ABLIM1: variants seen among roughly 807,000 people sequenced by gnomAD.
ABLIM1 encodes the protein actin binding LIM protein 1.
ABLIM1 carries 40 observed loss-of-function variants against 107.0 expected under a neutral mutation model. The observed-to-expected ratio is 0.37, with a 90% CI of 0.29 to 0.49. The LOEUF is 0.49. Among genes scored for constraint, ABLIM1 ranks in the 20% least tolerant of loss-of-function variants. The probability of loss-of-function intolerance (pLI) is 0.97; values close to 1 mark genes in which losing one functional copy is unlikely to be tolerated. For synonymous variants in ABLIM1, 357 were observed against 357.3 expected (o/e 1.00, Z 0.01); for missense variants, 857 against 1,008.5 (o/e 0.85, Z 2.04).
intron 17 of ABLIM1, among the ~76,000 whole-genome samples, chr10:114,442,964 G>A (rs1026291171): frequency 1.3e-5 from 2 of 151,954 alleles, no homozygotes; most frequent in East Asian, 1.9e-4. Flanking sequence ...TCAGCCTCCC[G>A]AGTAGCCGGG....
chr10:114,503,465 T>A (rs2060705468), intron 6 of ABLIM1, among the ~76,000 whole-genome samples: 1 of 150,262 alleles, frequency 6.7e-6, no homozygotes, highest in African/African-American at 2.5e-5. Context: ...AGAAAAAAAA[T>A]TGGTTTTGGC....
chr10:114,636,998 A>G (rs2078511576), intron 1 of ABLIM1, among the ~76,000 whole-genome samples: 1 of 146,010 alleles, frequency 6.8e-6, no homozygotes, highest in Non-Finnish European at 1.5e-5. Flanking sequence ...TCACCACTGC[A>G]CTCCAGCCGG....
intron 1 of ABLIM1, among the ~76,000 whole-genome samples, chr10:114,703,426 C>T (rs2081345753): frequency 6.6e-6 from 1 of 152,180 alleles, no homozygotes. Context: ...CCAGCAGGTC[C>T]CTGTTTTTAG....
At chr10:114,702,549 T>G (rs1221636515) in intron 1 of ABLIM1, among the ~76,000 whole-genome samples, 1 of 144,458 alleles carries the variant, frequency 6.9e-6, no homozygotes, top group South Asian at 2.2e-4. Flanking sequence ...TTTTTTGAGA[T>G]GGAGTCTCGC....
chr10:114,729,708 T>C (rs950523352), intron 1 of ABLIM1, among the ~76,000 whole-genome samples: 1 of 152,146 alleles, frequency 6.6e-6, no homozygotes, highest in Non-Finnish European at 1.5e-5. Context: ...ATTCTGATGG[T>C]ACTGAAGTTT....
At chr10:114,770,988 A>C (rs557338510), upstream of ABLIM1, among the ~76,000 whole-genome samples, 2 of 151,882 alleles carry the variant, frequency 1.3e-5, no homozygotes, top group Non-Finnish European at 2.9e-5. Flanking sequence ...GTGCCACCAC[A>C]CCTGGCTAAT....
intron 8 of ABLIM1, among the ~76,000 whole-genome samples, chr10:114,474,999 A>G (rs974706494): frequency 6.6e-6 from 1 of 152,182 alleles, no homozygotes; most frequent in Non-Finnish European, 1.5e-5. Flanking sequence ...CTCCCCAGCC[A>G]TGTGGAACTG....
chr10:114,713,222 G>A (rs917487350), intron 1 of ABLIM1, among the ~76,000 whole-genome samples: 1 of 152,130 alleles, frequency 6.6e-6, no homozygotes, highest in African/African-American at 2.4e-5. Flanking sequence ...CTACTGTATT[G>A]TCCTCTTCCT....
chr10:114,711,413 C>A (rs1339591379), intron 1 of ABLIM1, among the ~76,000 whole-genome samples: 8 of 152,122 alleles, frequency 5.3e-5, no homozygotes, highest in Admixed American at 5.2e-4. Flanking sequence ...AGTGTTAAGA[C>A]CATTGAGAAG....
At chr10:114,530,230 T>C (rs2065304370) in intron 6 of ABLIM1, among the ~76,000 whole-genome samples, 1 of 152,166 alleles carries the variant, frequency 6.6e-6, no homozygotes, top group Admixed American at 6.5e-5. Context: ...ACAGGTGTTG[T>C]TGGCTAAAAT....
chr10:114,596,600 T>C (rs2075438288), intron 2 of ABLIM1, among the ~76,000 whole-genome samples: 1 of 152,190 alleles, frequency 6.6e-6, no homozygotes, highest in Admixed American at 6.5e-5. Flanking sequence ...GAAAGTGAGA[T>C]GAGTTCACCA....
upstream of ABLIM1, among the ~76,000 whole-genome samples, chr10:114,771,015 G>C (rs897451501): frequency 2.0e-5 from 3 of 152,154 alleles, no homozygotes; most frequent in African/African-American, 7.2e-5. Flanking sequence ...ATTTTTAGTA[G>C]AGACGGGGTT....
chr10:114,658,233 G>A lies in ABLIM1; in HGVS notation c.-33C>T, dbSNP rs1420609828. On this transcript the variant is annotated 5_prime_UTR_variant, in exon 1 of 23. Transcript: ENST00000533213. ...TGGATTTCCAAGCAATGAGAAATGG[G>A]GAGTGGGGACCCAAGGAGCGGTGCT... is the stretch of plus-strand genomic sequence containing the variant. The A allele has an allele frequency of 1.3e-6, 2 of 1,584,030 alleles. No individual in the cohort carries two copies. The highest frequency in any genetic ancestry group is 1.7e-6 in the Non-Finnish European group (2 of 1,161,134).
At chr10:114,781,511 GA>G in the ABLIM1 span, among the ~76,000 whole-genome samples, 804 of 144,706 alleles carry the variant, frequency 5.6e-3, 7 homozygotes, top group Middle Eastern at 0.031. Context: ...CTCAAAAAAA[GA>G]AAAAAAAAGA....
chr10:114,481,754 C>T (rs7069661), intron 8 of ABLIM1, among the ~76,000 whole-genome samples: 7,374 of 152,230 alleles, frequency 0.048, 312 homozygotes, highest in East Asian at 0.16. Context: ...ATTCAGCTGT[C>T]TGATGAACTG....
intron 12 of ABLIM1, among the ~76,000 whole-genome samples, chr10:114,463,325 A>G (rs923165821): frequency 1.3e-5 from 2 of 152,172 alleles, no homozygotes; most frequent in Admixed American, 6.5e-5. Context: ...TTAAGAGTGC[A>G]CCTGCTAAGG....
At chr10:114,541,105 A>AT (rs1451750817) in intron 6 of ABLIM1, among the ~76,000 whole-genome samples, 1 of 152,156 alleles carries the variant, frequency 6.6e-6, no homozygotes, top group Non-Finnish European at 1.5e-5. Flanking sequence ...AAAGCCAGAG[A>AT]TTGGGAGGCT....
At chr10:114,751,430 T>C (rs7070890) in intron 1 of ABLIM1, among the ~76,000 whole-genome samples, 3,292 of 152,024 alleles carry the variant, frequency 0.022, 37 homozygotes, top group Middle Eastern at 0.092. Flanking sequence ...CAAGAGAAAA[T>C]TGGCCCTCTG....
At position 114,619,531 on chromosome 10, in the gene ABLIM1, C is replaced by A. The variant is rs1325382027; in HGVS notation, c.245-17570G>T. Among the ~76,000 whole-genome samples the A allele has an allele frequency of 1.3e-5, 2 of 152,146 alleles. No homozygotes were observed. Among genetic ancestry groups the A allele is most frequent in the African/African-American group, 4.8e-5 (2 of 41,434 alleles). On this transcript the variant is annotated intron_variant, in intron 1 of 22. Coordinates refer to ENST00000533213, the MANE Select transcript of ABLIM1 (RefSeq NM_002313.7). This position sits in a 1 kb window ranked among gnomAD's most constrained non-coding sequence, Gnocchi z 4.1. The stretch of plus-strand genomic sequence containing the variant: ...TTTTTTTTCTGGAAAAGCTCTTACA[C>A]ATCAAAAATGAATGCTATCCAGCAT...
Sources: gnomAD v4.1 joint callset for allele counts (sites outside exome capture counted in the v4.1 genomes callset) on GRCh38, gnomAD v4.1.1 for gene constraint, Gnocchi (gnomAD v3.1) non-coding constraint, MANE v1.5 for transcripts, NCBI Gene and HGNC (gene_info 2026-07-23, HGNC 2026-07-21) for gene names.